The following RABGAP1L variants were observed in gnomAD, a reference collection of about 807,000 sequenced individuals.
The protein encoded by RABGAP1L is RAB GTPase activating protein 1 like, also known as rab GTPase-activating protein 1-like.
In RABGAP1L, 63 loss-of-function variants were observed where a neutral mutation model predicts 137.7. That is an observed-to-expected ratio of 0.46 (90% confidence interval 0.37 to 0.56). RABGAP1L has a LOEUF of 0.56. Ranked by LOEUF, RABGAP1L falls within the 20% of genes least tolerant of loss-of-function variation. The pLI is 0.00. For synonymous variants in RABGAP1L, 431 were observed against 433.7 expected, an observed-to-expected ratio of 0.99 and a Z score of 0.08; for missense variants, 1,095 against 1,244.0, an observed-to-expected ratio of 0.88 and a Z score of 1.80.
chr1:174,958,771 G>T (rs1469411046), intron 20 of RABGAP1L, among the ~76,000 whole-genome samples: 2 of 152,144 alleles, frequency 1.3e-5, no homozygotes, highest in Non-Finnish European at 2.9e-5. Context: ...ATTTTTTAGA[G>T]CACAGGATTT....
chr1:174,462,346 C>T (rs1342754352), intron 13 of RABGAP1L, among the ~76,000 whole-genome samples: 2 of 152,142 alleles, frequency 1.3e-5, no homozygotes, highest in African/African-American at 2.4e-5. Context: ...ATCTGTTTTA[C>T]ACCTGCTTAA....
chr1:174,942,567 A>G (rs1181571615), intron 19 of RABGAP1L, among the ~76,000 whole-genome samples: 1 of 152,220 alleles, frequency 6.6e-6, no homozygotes, highest in Admixed American at 6.5e-5. Context: ...AAGCTATTTA[A>G]CCTTTCTGTG....
At chr1:174,163,034 A>G (rs1462100520) in intron 1 of RABGAP1L, among the ~76,000 whole-genome samples, 1 of 152,024 alleles carries the variant, frequency 6.6e-6, no homozygotes, top group Non-Finnish European at 1.5e-5. Flanking sequence ...CTGGTATTTC[A>G]AAGATGGCTC....
At chr1:174,678,786 AC>A (rs1677836220) in intron 14 of RABGAP1L, among the ~76,000 whole-genome samples, 2 of 152,072 alleles carry the variant, frequency 1.3e-5, no homozygotes, top group Admixed American at 1.3e-4. Flanking sequence ...ATTAGAATGA[AC>A]CCCAGGCACT....
chr1:174,738,397 C>T (rs1477628773), intron 17 of RABGAP1L, among the ~76,000 whole-genome samples: 1 of 152,144 alleles, frequency 6.6e-6, no homozygotes. Context: ...CTCAGTTGAC[C>T]TATACCAGTA....
chr1:174,781,415 C>T (rs939355333), intron 18 of RABGAP1L, among the ~76,000 whole-genome samples: 18 of 151,220 alleles, frequency 1.2e-4, no homozygotes, highest in East Asian at 5.8e-4. Context: ...TTTGATGGGG[C>T]TGTTTTTTTC....
At position 174,927,497 on chromosome 1, in the gene RABGAP1L, T is replaced by C. The variant is rs924254920; in HGVS notation, c.2341-29960T>C. ...CTCCTGCCTTGGTCTCCCAAAGTGC[T>C]GTGATTACAGGAATGAGACAACACA... On this transcript the variant is annotated intron_variant, in intron 19 of 25. Coordinates refer to ENST00000681986, the MANE Select transcript of RABGAP1L (RefSeq NM_001366446.1). Among the ~76,000 whole-genome samples the C allele has an allele frequency of 6.8e-4, 104 of 152,326 alleles. 1 individual carries two copies. Among genetic ancestry groups the C allele is most frequent in the African/African-American group, 2.3e-3 (96 of 41,596 alleles).
intron 19 of RABGAP1L, among the ~76,000 whole-genome samples, chr1:174,817,810 T>C (rs926811564): frequency 2.0e-5 from 3 of 152,108 alleles, no homozygotes; most frequent in African/African-American, 7.2e-5. Context: ...GTTTTTGTAA[T>C]AGGCTGAAGA....
chr1:174,306,853 C>G (rs1399615676), intron 11 of RABGAP1L, among the ~76,000 whole-genome samples: 1 of 152,008 alleles, frequency 6.6e-6, no homozygotes, highest in African/African-American at 2.4e-5. Flanking sequence ...CTTTTAAGAC[C>G]TTGTATCATG....
At chr1:174,708,701 G>A (rs1394058584) in intron 17 of RABGAP1L, among the ~76,000 whole-genome samples, 1 of 152,216 alleles carries the variant, frequency 6.6e-6, no homozygotes, top group Non-Finnish European at 1.5e-5. Flanking sequence ...TGAGTTTCAA[G>A]CATAAAACTG....
At chr1:174,301,582 C>G (rs2142863) in intron 10 of RABGAP1L, among the ~76,000 whole-genome samples, 1 of 151,412 alleles carries the variant, frequency 6.6e-6, no homozygotes, top group Non-Finnish European at 1.5e-5. Flanking sequence ...AATAGGATCA[C>G]GCTGAGAATT....
At chr1:174,943,122 C>A (rs1249559515) in intron 19 of RABGAP1L, among the ~76,000 whole-genome samples, 4 of 152,196 alleles carry the variant, frequency 2.6e-5, no homozygotes, top group Admixed American at 2.6e-4. Context: ...TCCCTCTCCT[C>A]ACTGTGCTCC....
Position 174,989,903 on chromosome 1 carries a change from T to A in RABGAP1L, c.3058T>A (p.Ser1020Thr). 6.4e-7 allele frequency: 1 copy of A among 1,550,558 alleles called. No homozygotes were observed. The highest frequency in any genetic ancestry group is 8.7e-7 in the Non-Finnish European group (1 of 1,146,898). The change falls in exon 26 of 26, where the codon TCT (serine) becomes ACT (threonine). Residue 1020 changes from serine (S) to threonine (T), a missense_variant. Transcript: ENST00000681986. The stretch of plus-strand genomic sequence containing the variant: ...GAATGAAATCCAAGCTGCGAAAAAC[T>A]CTTGGTTTAGCAAAACCCTGAACTC... Reference protein sequence around the residue: ...LMNEIQAAKNSWFSKTLNSIK... With the variant: ...LMNEIQAAKNTWFSKTLNSIK...
At chr1:174,793,459 A>G (rs1377084000) in intron 18 of RABGAP1L, among the ~76,000 whole-genome samples, 3 of 152,142 alleles carry the variant, frequency 2.0e-5, no homozygotes, top group Non-Finnish European at 4.4e-5. Context: ...GACCTCAACC[A>G]CCTACCAAAA....
chr1:174,382,872 T>G (rs2149044744), intron 12 of RABGAP1L, among the ~76,000 whole-genome samples: 1 of 152,130 alleles, frequency 6.6e-6, no homozygotes, highest in Admixed American at 6.5e-5. Context: ...CACTCTGCGT[T>G]TTAGAGTTTC....
At chr1:174,333,993 C>G (rs757163003) in intron 11 of RABGAP1L, among the ~76,000 whole-genome samples, 1 of 152,178 alleles carries the variant, frequency 6.6e-6, no homozygotes, top group Non-Finnish European at 1.5e-5. Flanking sequence ...CACTGGTCAT[C>G]TGGAAGGCTC....
At chr1:174,356,619 C>T (rs1683659628) in intron 11 of RABGAP1L, among the ~76,000 whole-genome samples, 1 of 151,424 alleles carries the variant, frequency 6.6e-6, no homozygotes, top group Non-Finnish European at 1.5e-5. Context: ...AGAGAAACAG[C>T]CCTGAAATTA....
intron 1 of RABGAP1L, among the ~76,000 whole-genome samples, chr1:174,195,705 C>T (rs369969469): frequency 0.19 from 18,024 of 94,674 alleles, 2,250 homozygotes; most frequent in African/African-American, 0.32. Context: ...TCCTTCTTTC[C>T]TTCTTTCTTT....
intron 17 of RABGAP1L, among the ~76,000 whole-genome samples, chr1:174,711,648 G>A (rs1341708076): frequency 6.6e-6 from 1 of 152,198 alleles, no homozygotes; most frequent in Non-Finnish European, 1.5e-5. Flanking sequence ...CAGGGTTCGG[G>A]ACCTGCAGCC....
Sources: gnomAD v4.1 joint callset for allele counts (sites outside exome capture counted in the v4.1 genomes callset) on GRCh38, gnomAD v4.1.1 for gene constraint, MANE v1.5 for transcripts, NCBI Gene and HGNC (gene_info 2026-07-23, HGNC 2026-07-21) for gene names.